IGF2BP2: variants seen among roughly 807,000 people sequenced by gnomAD.
IGF2BP2 encodes insulin like growth factor 2 mRNA binding protein 2, also known as insulin-like growth factor 2 mRNA-binding protein 2.
A neutral mutation model predicts 75.8 loss-of-function variants in IGF2BP2; 17 were observed. The observed-to-expected ratio is 0.22, with a 90% CI of 0.15 to 0.34. IGF2BP2 has a LOEUF of 0.34. Among genes scored for constraint, IGF2BP2 ranks in the 10% least tolerant of loss-of-function variants. The pLI is 1.00. For missense variants in IGF2BP2, 516 were observed against 772.4 expected (o/e 0.67, Z 3.93); for synonymous variants, 288 against 295.6 (o/e 0.97, Z 0.26).
At chr3:185,716,980 T>C in intron 2 of IGF2BP2, 2 of 365,562 alleles carry the variant, frequency 5.5e-6, no homozygotes, top group Non-Finnish European at 5.4e-6. Context: ...GTACTGTACA[T>C]GCTCAATGGA....
At chr3:185,775,716 C>A (rs1734456384) in intron 2 of IGF2BP2, among the ~76,000 whole-genome samples, 2 of 152,106 alleles carry the variant, frequency 1.3e-5, no homozygotes, top group Admixed American at 6.5e-5. Flanking sequence ...AAATGGAGAT[C>A]ACTGACTGTA....
chr3:185,677,056 T>G (rs1263058295), intron 7 of IGF2BP2, among the ~76,000 whole-genome samples: 34 of 55,326 alleles, frequency 6.1e-4, no homozygotes, highest in African/African-American at 2.3e-3. Flanking sequence ...TATATATATA[T>G]ATATATATAT....
intron 2 of IGF2BP2, among the ~76,000 whole-genome samples, chr3:185,790,055 T>C (rs1232679357): frequency 6.6e-6 from 1 of 152,132 alleles, no homozygotes; most frequent in Non-Finnish European, 1.5e-5. Flanking sequence ...TCTTAATGCA[T>C]GGGCTGAGGA....
At chr3:185,662,993 TTC>T (rs1254653531) in intron 10 of IGF2BP2, among the ~76,000 whole-genome samples, 2 of 152,156 alleles carry the variant, frequency 1.3e-5, no homozygotes, top group African/African-American at 2.4e-5. Context: ...TTCCCATACT[TTC>T]TGTTAGGTGA....
At chr3:185,668,024 GA>G (rs1305494188) in intron 10 of IGF2BP2, among the ~76,000 whole-genome samples, 1 of 152,102 alleles carries the variant, frequency 6.6e-6, no homozygotes, top group African/African-American at 2.4e-5. Context: ...CTGGGAAACA[GA>G]AAAAAAGTGT....
chr3:185,820,414 T>C (rs530933946), intron 2 of IGF2BP2, among the ~76,000 whole-genome samples: 11 of 152,070 alleles, frequency 7.2e-5, no homozygotes, highest in Non-Finnish European at 1.6e-4. Flanking sequence ...CCAAGAAATA[T>C]TAATAGAGAA....
intron 2 of IGF2BP2, among the ~76,000 whole-genome samples, chr3:185,732,703 G>A (rs549022796): frequency 6.6e-6 from 1 of 152,282 alleles, no homozygotes; most frequent in East Asian, 1.9e-4. Context: ...AAAATGAAGA[G>A]TATATGAAGA....
chr3:185,739,594 G>A (rs552446061), intron 2 of IGF2BP2, among the ~76,000 whole-genome samples: 6 of 152,176 alleles, frequency 3.9e-5, no homozygotes, highest in South Asian at 2.1e-4. Flanking sequence ...ATGCTGTCCC[G>A]TGATGAGGAC....
intron 2 of IGF2BP2, among the ~76,000 whole-genome samples, chr3:185,748,151 G>A (rs532759884): frequency 4.1e-4 from 63 of 152,244 alleles, no homozygotes; most frequent in African/African-American, 1.4e-3. Context: ...TGATCCACCC[G>A]CCTCAGCCTC....
chr3:185,778,478 C>T (rs182858380), intron 2 of IGF2BP2, among the ~76,000 whole-genome samples: 65 of 152,234 alleles, frequency 4.3e-4, no homozygotes, highest in African/African-American at 1.5e-3. Flanking sequence ...TTATTTGGGA[C>T]CTGCTGTATA....
chr3:185,812,142 T>C (rs1739978393), intron 2 of IGF2BP2, among the ~76,000 whole-genome samples: 1 of 152,180 alleles, frequency 6.6e-6, no homozygotes, highest in Non-Finnish European at 1.5e-5. Flanking sequence ...TGAAAATGTT[T>C]TGAAGATCAC....
At chr3:185,775,015 G>A (rs1443172940) in intron 2 of IGF2BP2, among the ~76,000 whole-genome samples, 7 of 150,660 alleles carry the variant, frequency 4.6e-5, no homozygotes, top group Admixed American at 4.0e-4. Context: ...GTCAGACTCC[G>A]TCTAAAAAGA....
chr3:185,762,028 T>G (rs1732436516), intron 2 of IGF2BP2, among the ~76,000 whole-genome samples: 1 of 152,072 alleles, frequency 6.6e-6, no homozygotes, highest in Admixed American at 6.6e-5. Flanking sequence ...TGCATAAAAT[T>G]TTTTGCTTGT....
chr3:185,695,469 G>T (rs144309658), intron 4 of IGF2BP2, among the ~76,000 whole-genome samples: 1 of 152,122 alleles, frequency 6.6e-6, no homozygotes, highest in African/African-American at 2.4e-5. Flanking sequence ...AGTCAGTGAG[G>T]TTATTTGACT....
At chr3:185,817,044 T>G (rs1346320738) in intron 2 of IGF2BP2, among the ~76,000 whole-genome samples, 3 of 152,202 alleles carry the variant, frequency 2.0e-5, no homozygotes, top group African/African-American at 7.2e-5. Flanking sequence ...TTGATATGGG[T>G]AAATAAGAGA....
intron 2 of IGF2BP2, among the ~76,000 whole-genome samples, chr3:185,775,946 A>G (rs1365001762): frequency 6.6e-6 from 1 of 152,246 alleles, no homozygotes; most frequent in Non-Finnish European, 1.5e-5. Context: ...GGAATTGGAA[A>G]CAGCCTAGCA....
chr3:185,770,280 A>G (rs1357362583), intron 2 of IGF2BP2, among the ~76,000 whole-genome samples: 2 of 152,208 alleles, frequency 1.3e-5, no homozygotes, highest in Non-Finnish European at 2.9e-5. Context: ...GGACTGGTCG[A>G]GCAGGACCGG....
In IGF2BP2 at chr3:185,645,362, C is replaced by T; in HGVS notation, c.*169G>A. The T allele has an allele frequency of 1.7e-6, 1 of 600,276 alleles. No individual in the cohort carries two copies. Among genetic ancestry groups the T allele is most frequent in the South Asian group, 2.2e-5 (1 of 46,086 alleles). The allele number at this position is 600,276 out of a possible 1,614,324, so 37.2% of individuals were successfully genotyped here. A position where few individuals can be genotyped will look rare whatever the true frequency, so the allele number is the denominator to read the frequency against. The stretch of plus-strand genomic sequence containing the variant: ...CTGACCTTCCCCGCCCCTCCTCGGC[C>T]CCTGGGGTTCTCAGGGCCTCGGCAG... On this transcript the variant is annotated 3_prime_UTR_variant, in exon 16 of 16. Coordinates refer to ENST00000382199, the MANE Select transcript of IGF2BP2 (RefSeq NM_006548.6). The surrounding 1 kb of genome is among the most constrained non-coding windows in gnomAD (Gnocchi z 4.9).
At chr3:185,689,751 G>A (rs1008547625) in intron 5 of IGF2BP2, 124 bp from the exon 6 acceptor site, 12 of 1,009,754 alleles carry the variant, frequency 1.2e-5, no homozygotes, top group Non-Finnish European at 1.7e-5. Context: ...GGTGGATCAC[G>A]AGGTCAGGAG....
Sources: gnomAD v4.1 joint callset for allele counts (sites outside exome capture counted in the v4.1 genomes callset) on GRCh38, gnomAD v4.1.1 for gene constraint, Gnocchi (gnomAD v3.1) non-coding constraint, MANE v1.5 for transcripts, NCBI Gene and HGNC (gene_info 2026-07-23, HGNC 2026-07-21) for gene names.